The following P3H2 variants were observed in gnomAD, a reference collection of about 807,000 sequenced individuals.
P3H2 encodes prolyl 3-hydroxylase 2, also known as leprecan-like 1.
P3H2 carries 80 observed loss-of-function variants against 87.0 expected under a neutral mutation model. The ratio of observed to expected loss-of-function variants is 0.92; its 90% CI spans 0.77 to 1.11. P3H2 has a LOEUF of 1.11. P3H2 is among the 50% of genes least tolerant of loss of function. P3H2 has a pLI of 0.00. For missense variants in P3H2, 1,001 were observed against 923.9 expected (o/e 1.08, Z -1.08); for synonymous variants, 367 against 359.3 (o/e 1.02, Z -0.24).
At chr3:190,100,060 T>C (rs1044849311) in intron 1 of P3H2, among the ~76,000 whole-genome samples, 1 of 151,978 alleles carries the variant, frequency 6.6e-6, no homozygotes, top group Non-Finnish European at 1.5e-5. Flanking sequence ...ATGGTGAAAT[T>C]CCATCTCTAC....
At chr3:190,056,439 A>G (rs1235120928) in intron 1 of P3H2, among the ~76,000 whole-genome samples, 1 of 152,206 alleles carries the variant, frequency 6.6e-6, no homozygotes, top group Non-Finnish European at 1.5e-5. Context: ...GCAAGGGCTC[A>G]CTAAACATTC....
intron 1 of P3H2, among the ~76,000 whole-genome samples, chr3:190,103,676 A>G (rs1002440633): frequency 1.3e-5 from 2 of 152,226 alleles, no homozygotes; most frequent in African/African-American, 4.8e-5. Context: ...GAGGTAGGAA[A>G]GAATACTCAA....
chr3:189,989,474 T>C (rs1425981382), intron 3 of P3H2, among the ~76,000 whole-genome samples: 1 of 152,180 alleles, frequency 6.6e-6, no homozygotes, highest in Non-Finnish European at 1.5e-5. Flanking sequence ...AGGAACAGTT[T>C]GGAAAAAGAA....
chr3:190,039,396 A>G (rs1719613), intron 1 of P3H2, among the ~76,000 whole-genome samples: 122,454 of 152,096 alleles, frequency 0.81, 49,358 homozygotes, highest in East Asian at 0.86. Context: ...TCAGTTTGCA[A>G]AATTTAATGC....
chr3:190,077,994 T>A (rs568969317), intron 1 of P3H2, among the ~76,000 whole-genome samples: 81 of 152,300 alleles, frequency 5.3e-4, no homozygotes, highest in African/African-American at 1.9e-3. Flanking sequence ...GACCCAAAAC[T>A]GCTCCAACTG....
intron 3 of P3H2, among the ~76,000 whole-genome samples, chr3:189,989,384 T>C (rs1247476872): frequency 6.6e-6 from 1 of 152,124 alleles, no homozygotes; most frequent in Non-Finnish European, 1.5e-5. Flanking sequence ...TTAACAACTT[T>C]GGGGTCTCTC....
Position 189,969,808 on chromosome 3 carries a change from T to G in P3H2, c.1893+1008A>C, listed in dbSNP as rs1723115556. 4 of 1,606,114 alleles carry G rather than the reference T, an allele frequency of 2.5e-6. No individual in the cohort carries two copies. The South Asian group carries it at 3.3e-5, about 13-fold the overall frequency. On this transcript the variant is annotated intron_variant, in intron 13 of 14. Transcript: ENST00000319332. ...CTAAAATTTCTGGATCATCCAGGCCTGTTCCACCAATTATTCCAATCTTCA... is the reference window on the plus strand; with the variant it reads ...CTAAAATTTCTGGATCATCCAGGCCGGTTCCACCAATTATTCCAATCTTCA...
chr3:190,013,141 C>T (rs1724645747), intron 1 of P3H2, among the ~76,000 whole-genome samples: 1 of 152,148 alleles, frequency 6.6e-6, no homozygotes, highest in African/African-American at 2.4e-5. Context: ...TGGATGTGCT[C>T]TTCGATATAT....
intron 11 of P3H2, among the ~76,000 whole-genome samples, chr3:189,972,458 G>A (rs988085677): frequency 1.3e-5 from 2 of 152,208 alleles, no homozygotes; most frequent in East Asian, 1.9e-4. Flanking sequence ...AAATAATGCT[G>A]AGCAGGGACC....
intron 1 of P3H2, among the ~76,000 whole-genome samples, chr3:190,100,943 A>C (rs1711603068): frequency 6.6e-6 from 1 of 152,052 alleles, no homozygotes; most frequent in Non-Finnish European, 1.5e-5. Flanking sequence ...CCATGTCTCA[A>C]CGTTACATTT....
chr3:190,109,777 G>A (rs1711996349), intron 1 of P3H2, among the ~76,000 whole-genome samples: 1 of 150,912 alleles, frequency 6.6e-6, no homozygotes, highest in African/African-American at 2.4e-5. Context: ...TCATCAGTGG[G>A]CAAACTGCCT....
At position 190,100,527 on chromosome 3, in the gene P3H2, A is replaced by G. The variant is rs1444804483; in HGVS notation, c.480+19725T>C. ...ATATTGAAGCTGGCAGAGACTTCCA[A>G]GATTACATATTACAATCACCTCATT... On this transcript the variant is annotated intron_variant, in intron 1 of 14. Coordinates refer to ENST00000319332, the MANE Select transcript of P3H2 (RefSeq NM_018192.4). Among the ~76,000 whole-genome samples, 3 of 152,168 alleles carry G rather than the reference A, an allele frequency of 2.0e-5. No homozygotes were observed. In the East Asian group the frequency reaches 5.8e-4, roughly 29 times the overall value.
rs576026074 is a variant in P3H2, at chr3:190,042,701, G to A, written c.481-47259C>T. On this transcript the variant is annotated intron_variant, in intron 1 of 14. Transcript: ENST00000319332. ...CTTTTGACCTGAATTCAAAGGAATG[G>A]TTCCTATTTTACATTGGCATAGTTA... is the stretch of plus-strand genomic sequence containing the variant. 2.4e-4 allele frequency among the ~76,000 whole-genome samples: 37 copies of A among 152,260 alleles called. No individual in the cohort carries two copies. The South Asian group carries it at 7.5e-3, about 31-fold the overall frequency.
In P3H2 at chr3:190,120,833, C is replaced by T; in HGVS notation, c.-102G>A. ...ACCTTCCCTCGGGGAAGCGCGCCGA[C>T]TCCGCCGCGATCTGGCCGCTCCGCG... On this transcript the variant is annotated 5_prime_UTR_variant, in exon 1 of 15. Coordinates refer to ENST00000319332, the MANE Select transcript of P3H2 (RefSeq NM_018192.4). The T allele has an allele frequency of 6.9e-7, 1 of 1,446,628 alleles. No homozygotes were observed. The highest frequency in any genetic ancestry group is 9.1e-7 in the Non-Finnish European group (1 of 1,100,592). 89.6% of individuals were successfully genotyped at this position (1,446,628 alleles called of 1,614,324 possible). A position where few individuals can be genotyped will look rare whatever the true frequency, so the allele number is the denominator to read the frequency against.
chr3:190,057,821 T>C (rs1726207185), intron 1 of P3H2, among the ~76,000 whole-genome samples: 1 of 152,174 alleles, frequency 6.6e-6, no homozygotes, highest in African/African-American at 2.4e-5. Flanking sequence ...AGGTAACATA[T>C]TCAGCAGTAG....
chr3:190,103,394 A>G (rs1002312015), intron 1 of P3H2, among the ~76,000 whole-genome samples: 1 of 152,250 alleles, frequency 6.6e-6, no homozygotes, highest in Non-Finnish European at 1.5e-5. Context: ...ATCTGGGACA[A>G]TGGGTTACAG....
At chr3:190,095,949 G>A (rs1416506696) in intron 1 of P3H2, among the ~76,000 whole-genome samples, 1 of 150,416 alleles carries the variant, frequency 6.6e-6, no homozygotes, top group Non-Finnish European at 1.5e-5. Context: ...TGAAAGGCAA[G>A]TAAATACAGC....
chr3:190,017,392 A>T (rs1724790345), intron 1 of P3H2, among the ~76,000 whole-genome samples: 1 of 152,232 alleles, frequency 6.6e-6, no homozygotes. Context: ...CCCCCAAAAA[A>T]TATTTCAAAA....
chr3:189,981,763 G>A (rs1324295871), intron 8 of P3H2, among the ~76,000 whole-genome samples: 1 of 152,182 alleles, frequency 6.6e-6, no homozygotes, highest in Non-Finnish European at 1.5e-5. Context: ...ACAGCAATGT[G>A]TTGGCTTATT....
Sources: gnomAD v4.1 joint callset for allele counts (sites outside exome capture counted in the v4.1 genomes callset) on GRCh38, gnomAD v4.1.1 for gene constraint, MANE v1.5 for transcripts, NCBI Gene and HGNC (gene_info 2026-07-23, HGNC 2026-07-21) for gene names.